Variants in OPHN1 observed in about 807,000 individuals in gnomAD.
OPHN1 encodes oligophrenin-1.
In OPHN1, 11 loss-of-function variants were observed where a neutral mutation model predicts 60.7. The ratio of observed to expected loss-of-function variants is 0.18; its 90% CI spans 0.11 to 0.30. OPHN1 has a LOEUF of 0.30. Ranked by LOEUF, OPHN1 falls within the 10% of genes least tolerant of loss-of-function variation. The pLI is 1.00. For missense variants in OPHN1, 449 were observed against 611.0 expected (o/e 0.73, Z 2.80); for synonymous variants, 226 against 222.6 (o/e 1.02, Z -0.14).
chrX:68,395,481 C>G (rs2078678803), intron 2 of OPHN1, among the ~76,000 whole-genome samples: 1 of 105,005 alleles, frequency 9.5e-6, no homozygotes, highest in South Asian at 4.4e-4. Context: ...GAGTTTCACT[C>G]TTATCACCCA....
chrX:68,067,535 A>T (rs1296025440), intron 20 of OPHN1, among the ~76,000 whole-genome samples: 1 of 110,922 alleles, frequency 9.0e-6, no homozygotes, highest in Admixed American at 9.6e-5. Flanking sequence ...GCATTTTTAA[A>T]CATCCCTTTG....
intron 2 of OPHN1, among the ~76,000 whole-genome samples, chrX:68,387,782 C>G (rs1253183548): frequency 9.0e-6 from 1 of 111,427 alleles, no homozygotes; most frequent in Non-Finnish European, 1.9e-5. Context: ...ATAGGAGGAG[C>G]AGAAACATTA....
intron 15 of OPHN1, among the ~76,000 whole-genome samples, chrX:68,137,824 T>C (rs770141136): frequency 5.3e-4 from 59 of 111,521 alleles, no homozygotes; most frequent in African/African-American, 1.9e-3. Context: ...CCTAATCTCT[T>C]CTCCCCTGTG....
At chrX:68,284,882 CAT>C (rs1328834213) in intron 3 of OPHN1, among the ~76,000 whole-genome samples, 3 of 112,161 alleles carry the variant, frequency 2.7e-5, no homozygotes, top group African/African-American at 9.7e-5. Context: ...GTTGGCCCTC[CAT>C]GTGTGTGAAT....
chrX:68,359,855 CAAAAAAAAAA>C (rs1186524030), intron 2 of OPHN1, among the ~76,000 whole-genome samples: 3 of 19,224 alleles, frequency 1.6e-4, no homozygotes, highest in African/African-American at 3.9e-4. Context: ...GACTCCGTCT[CAAAAAAAAAA>C]AAAAAAAAAA....
At chrX:68,308,599 GAAAAAAGAAA>G (rs1254172060) in intron 2 of OPHN1, among the ~76,000 whole-genome samples, 4 of 97,567 alleles carry the variant, frequency 4.1e-5, no homozygotes, top group African/African-American at 1.8e-4. Context: ...CTCACGAAAA[GAAAAAAGAAA>G]AGAAAAGAAA....
At chrX:68,070,787 A>G (rs878969201) in intron 20 of OPHN1, 2 of 1,159,771 alleles carry the variant, frequency 1.7e-6, no homozygotes, top group African/African-American at 3.5e-5. Context: ...TGCTTAGCCC[A>G]AGTGACAGTC....
At chrX:68,274,592 T>A in intron 5 of OPHN1, 146 bp downstream of exon 5, 7 of 378,148 alleles carry the variant, frequency 1.9e-5, no homozygotes, top group East Asian at 4.9e-5. Context: ...ACAACAAACA[T>A]TTATTTTGCA....
chrX:68,267,116 C>A (rs1239190045), intron 5 of OPHN1, among the ~76,000 whole-genome samples: 1 of 111,188 alleles, frequency 9.0e-6, no homozygotes, highest in Non-Finnish European at 1.9e-5. Context: ...TTAGACAGAT[C>A]AAAGAGACAG....
At chrX:68,163,358 T>C (rs753636857) in intron 15 of OPHN1, among the ~76,000 whole-genome samples, 169 of 110,763 alleles carry the variant, frequency 1.5e-3, no homozygotes, top group African/African-American at 5.0e-3. Flanking sequence ...GCTAATATCA[T>C]TATGATGTTC....
rs774753629 is a variant in OPHN1 at position 68,210,457 on chromosome X, G to A, written c.703-175C>T. On this transcript the variant is annotated intron_variant, in intron 8 of 24. Transcript: ENST00000355520. ...GGAAAACAAGTTTATAGAGTCTAACGGTCCTAAAGACTGCATAGGAAACAA... is the reference window on the plus strand; with the variant it reads ...GGAAAACAAGTTTATAGAGTCTAACAGTCCTAAAGACTGCATAGGAAACAA... 1.4e-4 allele frequency among the ~76,000 whole-genome samples: 16 copies of A among 111,967 alleles called. No individual in the cohort carries two copies. In the East Asian group the frequency reaches 3.9e-3, roughly 27 times the overall value.
intron 2 of OPHN1, among the ~76,000 whole-genome samples, chrX:68,306,225 T>A (rs1462356832): frequency 8.9e-6 from 1 of 111,749 alleles, no homozygotes; most frequent in Non-Finnish European, 1.9e-5. Flanking sequence ...TTCACTTCTT[T>A]TCCACTCCCT....
intron 12 of OPHN1, among the ~76,000 whole-genome samples, chrX:68,195,569 T>C (rs1422589177): frequency 8.9e-6 from 1 of 112,023 alleles, no homozygotes; most frequent in African/African-American, 3.2e-5. Flanking sequence ...CTGATCTTCT[T>C]TGACAGTTTA....
intron 5 of OPHN1, among the ~76,000 whole-genome samples, chrX:68,253,261 T>C (rs760724200): frequency 6.3e-5 from 7 of 111,389 alleles, no homozygotes; most frequent in Non-Finnish European, 9.4e-5. Context: ...GAAACTGTGA[T>C]GCAAAAAGGT....
In OPHN1 at chrX:68,227,697, T is replaced by C. The variant is rs1188463020; in HGVS notation, c.486+6790A>G. On this transcript the variant is annotated intron_variant, in intron 6 of 24. Transcript: ENST00000355520. ...AATGAAGGCAAAAATAAAGATGTTC[T>C]TTGAAACCAACGAGAACAAGACAAA... Among the ~76,000 whole-genome samples the C allele has an allele frequency of 1.6e-4, 18 of 111,462 alleles. No homozygotes were observed. The Admixed American group carries it at 1.7e-3, about 11-fold the overall frequency.
chrX:68,084,154 G>A (rs1314984098), intron 19 of OPHN1, among the ~76,000 whole-genome samples: 1 of 109,697 alleles, frequency 9.1e-6, no homozygotes, highest in African/African-American at 3.3e-5. Context: ...TATTTGCAAA[G>A]AGCAATAAAG....
chrX:68,119,465 T>C (rs1176662643), intron 15 of OPHN1, 133 bp from the exon 16 acceptor site: 1 of 482,124 alleles, frequency 2.1e-6, no homozygotes, highest in African/African-American at 2.4e-5. Context: ...AAGAAGCAAA[T>C]CTTTGATATT....
intron 20 of OPHN1, chrX:68,070,435 A>G (rs2076928972): frequency 1.8e-6 from 1 of 540,769 alleles, no homozygotes; most frequent in Admixed American, 2.3e-5. Context: ...TTGACATGGA[A>G]GGTTTTAGCT....
chrX:68,378,632 G>C (rs1323247404), intron 2 of OPHN1, among the ~76,000 whole-genome samples: 1 of 111,912 alleles, frequency 8.9e-6, no homozygotes, highest in African/African-American at 3.2e-5. Context: ...AAGGGATCCA[G>C]TTTCACCTTT....
Sources: allele counts gnomAD v4.1 joint callset (sites outside exome capture counted in the v4.1 genomes callset), GRCh38; gene constraint gnomAD v4.1.1; transcripts MANE v1.5; gene names NCBI Gene and HGNC (gene_info 2026-07-23, HGNC 2026-07-21).